The following SERPINB1 variants were observed in gnomAD, a reference collection of about 807,000 sequenced individuals.
The protein encoded by SERPINB1 is serpin family B member 1.
Under a neutral mutation model 25.9 loss-of-function variants are expected in SERPINB1, and 23 were observed. The ratio of observed to expected loss-of-function variants is 0.89; its 90% CI spans 0.64 to 1.26. The LOEUF (loss-of-function observed/expected upper bound fraction) is 1.26. SERPINB1 is among the 50% of genes most tolerant of loss of function. The pLI is 0.00. For missense variants in SERPINB1, 399 were observed against 463.6 expected, an observed-to-expected ratio of 0.86 and a Z score of 1.28; for synonymous variants, 178 against 178.7, an observed-to-expected ratio of 1.00 and a Z score of 0.03.
At chr6:2,838,133 T>C in intron 3 of SERPINB1, 134 bp from the exon 4 acceptor site, 1 of 639,856 alleles carries the variant, frequency 1.6e-6, no homozygotes, top group Non-Finnish European at 2.6e-6. Flanking sequence ...TTCTAACTCT[T>C]ATAGTTTTTC....
intron 2 of SERPINB1, among the ~76,000 whole-genome samples, chr6:2,839,155 A>C (rs1766578283): frequency 6.6e-6 from 1 of 152,230 alleles, no homozygotes. Context: ...TATTAACATC[A>C]GTAACTCACT....
rs775563897 is a variant in SERPINB1 at position 2,837,951 on chromosome 6, C to T, written c.355G>A (p.Val119Met). ...QKTYGADLASVDFQHASEDAR... is the reference protein window; with the variant it reads ...QKTYGADLASMDFQHASEDAR... ...TCTTCAGAGGCATGCTGAAAATCCA[C>T]ACTGGCCAGGTCAGCACCATATGTT... The change falls in exon 4 of 7, where the codon GTG becomes ATG. Residue 119 changes from valine to methionine, a missense_variant. By Grantham distance (21) the Val-to-Met change is conservative. Coordinates refer to ENST00000380739, the MANE Select transcript of SERPINB1 (RefSeq NM_030666.4). The surrounding 1 kb of genome is among the most constrained non-coding windows in gnomAD (Gnocchi z 4.3). The T allele has an allele frequency of 1.2e-6, 2 of 1,614,104 alleles. No individual in the cohort carries two copies. Among genetic ancestry groups the T allele is most frequent in the South Asian group, 2.2e-5 (2 of 91,086 alleles).
At chr6:2,836,429 C>T (rs769061487) in intron 4 of SERPINB1, among the ~76,000 whole-genome samples, 179 bp from the exon 5 acceptor site, 1 of 152,110 alleles carries the variant, frequency 6.6e-6, no homozygotes, top group Non-Finnish European at 1.5e-5. Flanking sequence ...AGTATAACAA[C>T]CTGTGGGGCA....
intron 4 of SERPINB1, among the ~76,000 whole-genome samples, chr6:2,836,724 G>A (rs183108163): frequency 9.8e-5 from 13 of 132,022 alleles, no homozygotes; most frequent in Admixed American, 5.0e-4. Context: ...GCATGGTGGC[G>A]CACACCTGCA....
Position 2,833,684 on chromosome 6 carries a change from T to A in SERPINB1, c.1064A>T (p.Asp355Val), listed in dbSNP as rs1766403893. ...MLMPEENFTA[D>V]HPFLFFIRHN... ...CCGAATAAAGAAAAGGAATGGATGG[T>A]CGGCAGTGAAATTTTCTTCGGGCAT... Residue 355 changes from aspartate (D) to valine (V), a missense_variant, in exon 7 of 7, where the codon GAC (aspartate) becomes GTC (valine). Transcript: ENST00000380739. 1 of 1,614,114 alleles carries A rather than the reference T, an allele frequency of 6.2e-7. No individual in the cohort carries two copies. The highest frequency in any genetic ancestry group is 1.7e-5 in the Admixed American group (1 of 60,010).
rs1460264234 is a variant in SERPINB1 at position 2,837,536 on chromosome 6, C to A, written c.424+346G>T. 6.6e-6 allele frequency among the ~76,000 whole-genome samples: 1 copy of A among 152,208 alleles called. No individual in the cohort carries two copies. The highest frequency in any genetic ancestry group is 1.5e-5 in the Non-Finnish European group (1 of 68,042). ...CCTCAAATGATCCGCCCGCCTTGGG[C>A]TCCCAAAGTGCTGGGATTACAGGCA... On this transcript the variant is annotated intron_variant, in intron 4 of 6. Transcript: ENST00000380739. This position sits in a 1 kb window ranked among gnomAD's most constrained non-coding sequence, Gnocchi z 4.3.
At position 2,836,170 on chromosome 6, in the gene SERPINB1, C is replaced by T; in HGVS notation, c.505G>A (p.Gly169Arg). Residue 169 changes from glycine (G) to arginine (R), a missense_variant, in exon 5 of 7, where the codon GGA becomes AGA. Physicochemically the swap from Gly to Arg is moderately radical, Grantham distance 125 (BLOSUM62 -2). Transcript: ENST00000380739. ...TTCATGAATTTATCCTTCCAGTTTCCCTTGAAATAGATGGCATTTACTAGC... is the reference window on the plus strand; with the variant it reads ...TTCATGAATTTATCCTTCCAGTTTCTCTTGAAATAGATGGCATTTACTAGC... Reference protein sequence around the residue: ...LVLVNAIYFKGNWKDKFMKEA... With the variant: ...LVLVNAIYFKRNWKDKFMKEA... 1 of 1,613,966 alleles carries T rather than the reference C, an allele frequency of 6.2e-7. No individual in the cohort carries two copies. The highest frequency in any genetic ancestry group is 8.5e-7 in the Non-Finnish European group (1 of 1,180,004).
intron 2 of SERPINB1, among the ~76,000 whole-genome samples, chr6:2,840,007 T>A (rs903293658): frequency 6.6e-6 from 1 of 152,228 alleles, no homozygotes; most frequent in Admixed American, 6.5e-5. Context: ...CCTCTCATTA[T>A]GCTTGAAAGT....
intron 5 of SERPINB1, 35 bp downstream of exon 5, chr6:2,836,073 G>C (rs1476175225): frequency 6.2e-7 from 1 of 1,613,448 alleles, no homozygotes; most frequent in African/African-American, 1.3e-5. Context: ...TTCTTTTAGA[G>C]CAATGCATGA....
intron 6 of SERPINB1, among the ~76,000 whole-genome samples, chr6:2,834,347 C>A (rs923295008): frequency 6.6e-6 from 1 of 151,380 alleles, no homozygotes. Context: ...ACCCAGCTAC[C>A]CAGCAACACA....
Position 2,837,990 on chromosome 6 carries a change from C to T in SERPINB1, c.316G>A (p.Val106Ile), listed in dbSNP as rs751172626. 4 of 1,609,826 alleles carry T rather than the reference C, an allele frequency of 2.5e-6. No individual in the cohort carries two copies. The Admixed American group carries it at 5.0e-5, about 20-fold the overall frequency. ...KTYNFLPEFL[V>I]STQKTYGADL... ...GCACCATATGTTTTCTGAGTCGAAACCAAGAACTCCTATTAAAAAAAAGGA... is the reference window on the plus strand; with the variant it reads ...GCACCATATGTTTTCTGAGTCGAAATCAAGAACTCCTATTAAAAAAAAGGA... The change falls in exon 4 of 7, where the codon GTT becomes ATT. Residue 106 changes from valine to isoleucine, a missense_variant. Physicochemically the swap from Val to Ile is conservative, Grantham distance 29. Coordinates refer to ENST00000380739, the MANE Select transcript of SERPINB1 (RefSeq NM_030666.4). The surrounding 1 kb of genome is among the most constrained non-coding windows in gnomAD (Gnocchi z 4.3).
Position 2,833,698 on chromosome 6 carries a change from T to A in SERPINB1, c.1050A>T (p.Glu350Asp). The change falls in exon 7 of 7, where the codon GAA becomes GAT. Residue 350 changes from glutamate to aspartate, a missense_variant. Glu to Asp is a conservative substitution (Grantham distance 45, BLOSUM62 2). Coordinates refer to ENST00000380739, the MANE Select transcript of SERPINB1 (RefSeq NM_030666.4). ...IATFCMLMPE[E>D]NFTADHPFLF... ...GGAATGGATGGTCGGCAGTGAAATT[T>A]TCTTCGGGCATCAACATGCAGAAAG... The A allele has an allele frequency of 6.2e-7, 1 of 1,614,226 alleles. No individual in the cohort carries two copies. Among genetic ancestry groups the A allele is most frequent in the Non-Finnish European group, 8.5e-7 (1 of 1,180,044 alleles).
At chr6:2,838,796 T>G in intron 2 of SERPINB1, 110 bp from the exon 3 acceptor site, 1 of 883,938 alleles carries the variant, frequency 1.1e-6, no homozygotes, top group Non-Finnish European at 1.6e-6. Flanking sequence ...TTACTAATTA[T>G]TGATGATCCC....
At chr6:2,839,499 GTT>G (rs200439477) in intron 2 of SERPINB1, 117,631 of 858,260 alleles carry the variant, frequency 0.14, 5,622 homozygotes, top group South Asian at 0.19. Flanking sequence ...AGTAACAGAG[GTT>G]TTTTTTTTTT....
intron 6 of SERPINB1, among the ~76,000 whole-genome samples, chr6:2,834,230 T>G (rs1374329081): frequency 2.0e-5 from 3 of 152,110 alleles, no homozygotes; most frequent in Non-Finnish European, 4.4e-5. Context: ...GTTCAAGGGA[T>G]TTGTACATTG....
Position 2,837,849 on chromosome 6 carries a change from C to T in SERPINB1, c.424+33G>A, listed in dbSNP as rs763823721. On this transcript the variant is annotated intron_variant, in intron 4 of 6. Transcript: ENST00000380739. This position sits in a 1 kb window ranked among gnomAD's most constrained non-coding sequence, Gnocchi z 4.3. ...CTGAGGAAACGAATGACATGACCAG[C>T]GCATAATGATTCCATTCTGCCCAGG... The T allele has an allele frequency of 2.0e-5, 29 of 1,457,006 alleles. No individual in the cohort carries two copies. The Admixed American group carries it at 2.2e-4, about 11-fold the overall frequency. The allele number at this position is 1,457,006 out of a possible 1,614,324, so 90.3% of individuals were successfully genotyped here.
Position 2,837,747 on chromosome 6 carries a change from G to A in SERPINB1, c.424+135C>T, listed in dbSNP as rs564811696. 29 of 710,172 alleles carry A rather than the reference G, an allele frequency of 4.1e-5. 1 individual carries two copies. Among genetic ancestry groups the A allele is most frequent in the East Asian group, 7.4e-5 (3 of 40,352 alleles). 44.0% of individuals were successfully genotyped at this position (710,172 alleles called of 1,614,324 possible). On this transcript the variant is annotated intron_variant, in intron 4 of 6. Coordinates refer to ENST00000380739, the MANE Select transcript of SERPINB1 (RefSeq NM_030666.4). The surrounding 1 kb of genome is among the most constrained non-coding windows in gnomAD (Gnocchi z 4.3). Reference sequence around the variant, plus strand: ...AGTGCAGACTTCACGCACCGGCAGCGTCCTCTGACTGTAACCACGATGTGC... The same window carrying A: ...AGTGCAGACTTCACGCACCGGCAGCATCCTCTGACTGTAACCACGATGTGC...
At chr6:2,838,026 T>C (rs747135455) in intron 3 of SERPINB1, 27 bp from the exon 4 acceptor site, 1 of 1,438,282 alleles carries the variant, frequency 7.0e-7, no homozygotes, top group Non-Finnish European at 9.8e-7. Flanking sequence ...AAAGGAAATA[T>C]ATATATAACT....
At position 2,836,259 on chromosome 6, in the gene SERPINB1, A is replaced by T; in HGVS notation, c.425-9T>A. On this transcript the variant is annotated splice_polypyrimidine_tract_variant and intron_variant, in intron 4 of 6. Transcript: ENST00000380739. Reference sequence around the variant, plus strand: ...CAGTTCCGGAATTTTTCCTAAAAAAAAATCAAGTTAGCGTAAAAAAAATCC... The same window carrying T: ...CAGTTCCGGAATTTTTCCTAAAAAATAATCAAGTTAGCGTAAAAAAAATCC... 2 of 1,587,198 alleles carry T rather than the reference A, an allele frequency of 1.3e-6. No individual in the cohort carries two copies. The highest frequency in any genetic ancestry group is 1.7e-6 in the Non-Finnish European group (2 of 1,170,192).
Sources: gnomAD v4.1 joint callset for allele counts (sites outside exome capture counted in the v4.1 genomes callset) on GRCh38, gnomAD v4.1.1 for gene constraint, Gnocchi (gnomAD v3.1) non-coding constraint, MANE v1.5 for transcripts, NCBI Gene and HGNC (gene_info 2026-07-23, HGNC 2026-07-21) for gene names.